Variants in ZKSCAN7 observed in about 807,000 individuals in gnomAD.
The protein encoded by ZKSCAN7 is zinc finger with KRAB and SCAN domains 7.
ZKSCAN7 carries 38 observed loss-of-function variants against 65.3 expected under a neutral mutation model. The ratio of observed to expected loss-of-function variants is 0.58; its 90% CI spans 0.45 to 0.76. ZKSCAN7 has a LOEUF of 0.76. ZKSCAN7 is among the 30% of genes least tolerant of loss of function. The pLI is 0.00. For synonymous variants in ZKSCAN7, 321 were observed against 321.0 expected (o/e 1.00, Z 0.00); for missense variants, 815 against 913.3 (o/e 0.89, Z 1.39).
Position 44,557,040 on chromosome 3 carries a change from G to T in ZKSCAN7, c.-8G>T, listed in dbSNP as rs746178710. Reference sequence around the variant, plus strand: ...TGCAGCTGTAACAAGCTTCTCTTTGGGGTCACAATGACCACTGCAGGCAGG... The same window carrying T: ...TGCAGCTGTAACAAGCTTCTCTTTGTGGTCACAATGACCACTGCAGGCAGG... On this transcript the variant is annotated 5_prime_UTR_variant, in exon 2 of 6. Transcript: ENST00000426540. 2.7e-5 allele frequency: 44 copies of T among 1,613,904 alleles called. No individual in the cohort carries two copies. The highest frequency in any genetic ancestry group is 3.6e-5 in the Non-Finnish European group (43 of 1,180,016).
chr3:44,571,000 G>T lies in ZKSCAN7; in HGVS notation c.1890G>T (p.Thr630=). The stretch of plus-strand genomic sequence containing the variant: ...TTATTCGGCACCAGAGACTTCACAC[G>T]GGTGAAAAGCCCTATAAATGCAATG... ...KCLIRHQRLH[T]GEKPYKCNEC... is the part of the protein sequence containing the mutation. Residue 630 remains threonine, a synonymous_variant, in exon 6 of 6, where the codon ACG becomes ACT. Transcript: ENST00000426540. 1 of 1,613,974 alleles carries T rather than the reference G, an allele frequency of 6.2e-7. No individual in the cohort carries two copies. Among genetic ancestry groups the T allele is most frequent in the Non-Finnish European group, 8.5e-7 (1 of 1,179,992 alleles).
chr3:44,579,218 C>T (rs1196094759), intron 5 of ZKSCAN7, among the ~76,000 whole-genome samples: 1 of 152,234 alleles, frequency 6.6e-6, no homozygotes, highest in Admixed American at 6.5e-5. Context: ...ATCCTCAGTG[C>T]CTGGCCCGCC....
chr3:44,580,251 C>G, intron 5 of ZKSCAN7: 9 of 1,613,532 alleles, frequency 5.6e-6, no homozygotes, highest in Non-Finnish European at 2.5e-6. Flanking sequence ...GCTCTCCCCC[C>G]GGACTTTGCG....
intron 5 of ZKSCAN7, among the ~76,000 whole-genome samples, chr3:44,569,703 CA>C (rs1699737584): frequency 6.6e-6 from 1 of 152,072 alleles, no homozygotes. Flanking sequence ...ATCTTTTTTC[CA>C]CCTGTTTTCA....
At chr3:44,560,353 A>G (rs1262766112) in intron 2 of ZKSCAN7, among the ~76,000 whole-genome samples, 1 of 152,142 alleles carries the variant, frequency 6.6e-6, no homozygotes, top group Non-Finnish European at 1.5e-5. Flanking sequence ...GTCCAGGTAA[A>G]TTGGAGTCAT....
downstream of ZKSCAN7, among the ~76,000 whole-genome samples, chr3:44,576,623 G>C (rs920342557): frequency 5.9e-5 from 9 of 152,210 alleles, no homozygotes; most frequent in African/African-American, 2.2e-4. Flanking sequence ...TTCCAGTCCT[G>C]ATATTTGTCT....
intron 5 of ZKSCAN7, among the ~76,000 whole-genome samples, chr3:44,581,291 C>T (rs1406317167): frequency 1.3e-5 from 2 of 149,968 alleles, no homozygotes; most frequent in Non-Finnish European, 3.0e-5. Context: ...CGCTGCTTCC[C>T]GCTGCGGCCC....
intron 3 of ZKSCAN7, among the ~76,000 whole-genome samples, chr3:44,566,417 G>A (rs1252676352): frequency 6.6e-6 from 1 of 152,128 alleles, no homozygotes; most frequent in Non-Finnish European, 1.5e-5. Context: ...GTTAAAGGCT[G>A]GTGCGGTAGA....
chr3:44,563,382 A>G (rs1406472270), intron 2 of ZKSCAN7, among the ~76,000 whole-genome samples: 2 of 152,052 alleles, frequency 1.3e-5, no homozygotes, highest in Non-Finnish European at 2.9e-5. Context: ...GTCCTTTTTC[A>G]CACTGCTGTA....
chr3:44,580,505 C>T (rs1359377130), intron 5 of ZKSCAN7: 1 of 1,610,780 alleles, frequency 6.2e-7, no homozygotes, highest in Non-Finnish European at 8.5e-7. Context: ...TAACAGCCAC[C>T]TTGGCAGGCC....
intron 2 of ZKSCAN7, among the ~76,000 whole-genome samples, chr3:44,561,831 G>A (rs531324452): frequency 6.6e-5 from 10 of 152,326 alleles, no homozygotes; most frequent in Middle Eastern, 6.8e-3. Context: ...AAGGCCTTGG[G>A]CATCCTGGCC....
Position 44,565,487 on chromosome 3 carries a change from G to T in ZKSCAN7, c.424G>T (p.Val142Phe). 1 of 1,605,688 alleles carries T rather than the reference G, an allele frequency of 6.2e-7. No individual in the cohort carries two copies. The highest frequency in any genetic ancestry group is 8.5e-7 in the Non-Finnish European group (1 of 1,176,164). Residue 142 changes from valine (V) to phenylalanine (F), a missense_variant and splice_region_variant, in exon 3 of 6, where the codon GTT (valine) becomes TTT (phenylalanine). Transcript: ENST00000426540. ...FQRHLSGSEE[V>F]SAPAQKQEMH... ...CCCAATTGTATTTCCCTCTCTCTAGGTTTCAGCCCCAGCACAGAAACAGGA... is the reference window on the plus strand; with the variant it reads ...CCCAATTGTATTTCCCTCTCTCTAGTTTTCAGCCCCAGCACAGAAACAGGA...
At chr3:44,580,474 T>C in intron 5 of ZKSCAN7, 1 of 1,606,224 alleles carries the variant, frequency 6.2e-7, no homozygotes, top group Non-Finnish European at 8.5e-7. Context: ...GGGATGCTGC[T>C]GCTGCTGCTG....
Position 44,565,467 on chromosome 3 carries a change from T to C in ZKSCAN7, c.424-20T>C, listed in dbSNP as rs115345741. On this transcript the variant is annotated intron_variant, in intron 2 of 5. Transcript: ENST00000426540. Reference sequence around the variant, plus strand: ...TTCAAGGATGCTCTTTTGAACCCAATTGTATTTCCCTCTCTCTAGGTTTCA... The same window carrying C: ...TTCAAGGATGCTCTTTTGAACCCAACTGTATTTCCCTCTCTCTAGGTTTCA... 7.0e-4 allele frequency: 1,107 copies of C among 1,584,600 alleles called. 6 individuals carry two copies. In the African/African-American group the frequency reaches 0.013, roughly 18 times the overall value.
chr3:44,579,983 G>C, intron 5 of ZKSCAN7: 5 of 1,573,798 alleles, frequency 3.2e-6, no homozygotes, highest in Non-Finnish European at 4.4e-6. Flanking sequence ...CTTGGGGGGG[G>C]GCTTCATTGG....
chr3:44,555,543 T>C (rs1187205860), intron 1 of ZKSCAN7, 62 bp downstream of exon 1: 1 of 152,262 alleles, frequency 6.6e-6, no homozygotes, highest in Non-Finnish European at 1.5e-5. Flanking sequence ...TCCCAGCTCT[T>C]GCAGTAGGAA....
intron 2 of ZKSCAN7, 114 bp from the exon 3 acceptor site, chr3:44,565,373 C>A (rs1699600096): frequency 2.8e-6 from 3 of 1,058,556 alleles, no homozygotes; most frequent in South Asian, 4.1e-5. Flanking sequence ...GCTGGAAGGA[C>A]ACCCTGGCTC....
rs1181824821 is a variant in ZKSCAN7 at position 44,570,594 on chromosome 3, A to T, written c.1484A>T (p.Tyr495Phe). Residue 495 changes from tyrosine to phenylalanine, a missense_variant, in exon 6 of 6, where the codon TAT becomes TTT. Physicochemically the swap from Tyr to Phe is conservative, Grantham distance 22. Around this residue, in one of 3 missense-constraint regions of ZKSCAN7, gnomAD observed 578 missense variants for 629.5 expected, o/e 0.92. Coordinates refer to ENST00000426540, the MANE Select transcript of ZKSCAN7 (RefSeq NM_001288590.2). ...HQRTHTGEKP[Y>F]ECNECGEAFI... Reference sequence around the variant, plus strand: ...AGAACCCATACTGGGGAGAAACCTTATGAATGCAATGAGTGTGGAGAGGCA... The same window carrying T: ...AGAACCCATACTGGGGAGAAACCTTTTGAATGCAATGAGTGTGGAGAGGCA... 1 of 1,614,220 alleles carries T rather than the reference A, an allele frequency of 6.2e-7. No individual in the cohort carries two copies. Among genetic ancestry groups the T allele is most frequent in the Non-Finnish European group, 8.5e-7 (1 of 1,180,030 alleles).
intron 5 of ZKSCAN7, chr3:44,579,811 A>G: frequency 6.2e-7 from 1 of 1,613,182 alleles, no homozygotes; most frequent in Non-Finnish European, 8.5e-7. Context: ...CGGCGAGGAC[A>G]AACCAGTGTT....
Sources: allele counts gnomAD v4.1 joint callset (sites outside exome capture counted in the v4.1 genomes callset), GRCh38; gene constraint gnomAD v4.1.1; regional missense constraint gnomAD v4.1.1; transcripts MANE v1.5; gene names NCBI Gene and HGNC (gene_info 2026-07-23, HGNC 2026-07-21).